Variants in MMP16 observed in about 807,000 individuals in gnomAD.
MMP16 encodes the protein matrix metalloproteinase-16.
MMP16 carries 12 observed loss-of-function variants against 67.8 expected under a neutral mutation model. The ratio of observed to expected loss-of-function variants is 0.18; its 90% CI spans 0.11 to 0.29. The LOEUF (loss-of-function observed/expected upper bound fraction) is 0.29. Among genes scored for constraint, MMP16 ranks in the 10% least tolerant of loss-of-function variants. MMP16 has a pLI of 1.00. For missense variants in MMP16, 475 were observed against 765.7 expected (o/e 0.62, Z 4.48); for synonymous variants, 249 against 255.9 (o/e 0.97, Z 0.26).
At chr8:88,138,479 T>C (rs750233883) in intron 4 of MMP16, among the ~76,000 whole-genome samples, 12 of 152,018 alleles carry the variant, frequency 7.9e-5, no homozygotes, top group Non-Finnish European at 1.8e-4. Flanking sequence ...AGGCTATGAG[T>C]TTGGTAAAAC....
At position 88,032,259 on chromosome 8, in the gene MMP16, C is replaced by T. The variant is rs1807995998; in HGVS notation, c.*9202G>A. The T allele has an allele frequency of 1.3e-5, 2 of 152,172 alleles. No individual in the cohort carries two copies. The highest frequency in any genetic ancestry group is 2.9e-5 in the Non-Finnish European group (2 of 68,042). The allele number at this position is 152,172 out of a possible 1,614,324, so 9.4% of individuals were successfully genotyped here. A position where few individuals can be genotyped will look rare whatever the true frequency, so the allele number is the denominator to read the frequency against. ...TTTGATTGCCATGGCAAGAACCATG[C>T]TGATGATTCTAGCTTGTGACATTTG... On this transcript the variant is annotated 3_prime_UTR_variant, in exon 10 of 10. Transcript: ENST00000286614.
chr8:88,143,670 T>C (rs985613016), intron 4 of MMP16, among the ~76,000 whole-genome samples: 3 of 151,978 alleles, frequency 2.0e-5, no homozygotes, highest in African/African-American at 4.8e-5. Flanking sequence ...GTTGATTAGA[T>C]AAGGGTCTTG....
At chr8:88,314,343 G>C (rs960018357) in intron 1 of MMP16, among the ~76,000 whole-genome samples, 4 of 151,970 alleles carry the variant, frequency 2.6e-5, no homozygotes, top group Non-Finnish European at 5.9e-5. Context: ...TGCTATTTTT[G>C]AATCAATTTA....
intron 1 of MMP16, among the ~76,000 whole-genome samples, chr8:88,303,872 T>C (rs1586010266): frequency 1.3e-5 from 2 of 152,102 alleles, no homozygotes; most frequent in Admixed American, 1.3e-4. Context: ...ACGAAAATAC[T>C]GAAAACTCAA....
chr8:88,152,428 C>T (rs1463360375), intron 4 of MMP16, among the ~76,000 whole-genome samples: 5 of 84,974 alleles, frequency 5.9e-5, no homozygotes, highest in Admixed American at 1.4e-4. Flanking sequence ...GAATTTTAGA[C>T]CAATATCCTT....
At chr8:88,308,240 T>G (rs1811240814) in intron 1 of MMP16, among the ~76,000 whole-genome samples, 1 of 152,108 alleles carries the variant, frequency 6.6e-6, no homozygotes, top group Non-Finnish European at 1.5e-5. Context: ...ACTTTAGACC[T>G]TGCCATGCAG....
chr8:88,058,338 A>AT lies in MMP16; in HGVS notation c.1223-2061dup, dbSNP rs1335305217. ...GGGAAGAATGAAAATAAGATGACCC[A>AT]TCAAGAGTCTTTGGCAAGAATTAAT... On this transcript the variant is annotated intron_variant, in intron 7 of 9. Transcript: ENST00000286614. This position sits in a 1 kb window ranked among gnomAD's most constrained non-coding sequence, Gnocchi z 4.2. 1.3e-5 allele frequency among the ~76,000 whole-genome samples: 2 copies of AT among 152,136 alleles called. No homozygotes were observed. The highest frequency in any genetic ancestry group is 3.9e-4 in the East Asian group (2 of 5,186).
intron 8 of MMP16, among the ~76,000 whole-genome samples, chr8:88,055,338 G>C (rs1039331134): frequency 5.1e-4 from 77 of 152,202 alleles, no homozygotes; most frequent in African/African-American, 1.8e-3. Context: ...CTCCCAAGTA[G>C]CTGGAATTAC....
chr8:88,290,770 A>C (rs184846852), intron 1 of MMP16, among the ~76,000 whole-genome samples: 7 of 152,228 alleles, frequency 4.6e-5, no homozygotes, highest in African/African-American at 1.7e-4. Context: ...TGGTAAGTCA[A>C]GAATGCTGTT....
intron 7 of MMP16, among the ~76,000 whole-genome samples, chr8:88,065,959 T>G (rs1024408212): frequency 6.6e-6 from 1 of 152,166 alleles, no homozygotes; most frequent in African/African-American, 2.4e-5. Flanking sequence ...TATTCCCAAA[T>G]TTTACTGCCG....
At chr8:88,303,620 A>T (rs1811166770) in intron 1 of MMP16, among the ~76,000 whole-genome samples, 1 of 152,238 alleles carries the variant, frequency 6.6e-6, no homozygotes, top group South Asian at 2.1e-4. Flanking sequence ...GTAGGCTCCC[A>T]TCTTTGCTGT....
intron 1 of MMP16, among the ~76,000 whole-genome samples, chr8:88,263,244 T>TA (rs200899237): frequency 6.7e-5 from 10 of 149,454 alleles, no homozygotes; most frequent in South Asian, 2.1e-4. Context: ...TGCAATTTCC[T>TA]AAAAAAAAAA....
At chr8:88,085,943 T>A (rs1261010278) in intron 6 of MMP16, among the ~76,000 whole-genome samples, 1 of 151,930 alleles carries the variant, frequency 6.6e-6, no homozygotes, top group African/African-American at 2.4e-5. Flanking sequence ...TCATTTTAAA[T>A]TCTAACTTAG....
intron 1 of MMP16, among the ~76,000 whole-genome samples, chr8:88,226,506 C>T (rs1275232049): frequency 6.6e-6 from 1 of 152,038 alleles, no homozygotes; most frequent in South Asian, 2.1e-4. Context: ...GACTCATTTT[C>T]AAGTTCTGTG....
chr8:88,125,329 T>C (rs957597284), intron 4 of MMP16, among the ~76,000 whole-genome samples: 21 of 152,042 alleles, frequency 1.4e-4, no homozygotes, highest in African/African-American at 5.1e-4. Flanking sequence ...CTGGGAATGT[T>C]AGAATTATCT....
At chr8:88,047,849 G>A (rs929777768) in intron 8 of MMP16, among the ~76,000 whole-genome samples, 4 of 152,202 alleles carry the variant, frequency 2.6e-5, no homozygotes, top group Admixed American at 6.5e-5. Context: ...GAGTTTGAAG[G>A]AGATAAGGCA....
At chr8:88,165,193 A>G (rs1808692148) in intron 4 of MMP16, among the ~76,000 whole-genome samples, 1 of 151,068 alleles carries the variant, frequency 6.6e-6, no homozygotes, top group African/African-American at 2.4e-5. Context: ...AAAAAAAAAA[A>G]AAAAAAGAAA....
chr8:88,060,874 T>C (rs771168786), intron 7 of MMP16, among the ~76,000 whole-genome samples: 60 of 151,924 alleles, frequency 3.9e-4, no homozygotes, highest in Non-Finnish European at 6.3e-4. Flanking sequence ...GCTACTCAAA[T>C]ATAGGATCAA....
At chr8:88,216,580 G>A (rs1809598220) in intron 1 of MMP16, among the ~76,000 whole-genome samples, 1 of 152,082 alleles carries the variant, frequency 6.6e-6, no homozygotes. Flanking sequence ...CCTCTGTCTG[G>A]AATAGTGCCT....
Sources: gnomAD v4.1 joint callset for allele counts (sites outside exome capture counted in the v4.1 genomes callset) on GRCh38, gnomAD v4.1.1 for gene constraint, Gnocchi (gnomAD v3.1) non-coding constraint, MANE v1.5 for transcripts, NCBI Gene and HGNC (gene_info 2026-07-23, HGNC 2026-07-21) for gene names.